Variants in KSR1 observed in about 807,000 individuals in gnomAD.
KSR1 encodes the protein kinase suppressor of ras.
Under a neutral mutation model 92.9 loss-of-function variants are expected in KSR1, and 35 were observed. The ratio of observed to expected loss-of-function variants is 0.38; its 90% CI spans 0.29 to 0.50. The LOEUF (loss-of-function observed/expected upper bound fraction) is 0.50, where lower values mean the gene tolerates loss of function less well. KSR1 is among the 20% of genes least tolerant of loss of function. The pLI is 0.94. For synonymous variants in KSR1, 467 were observed against 472.6 expected, an observed-to-expected ratio of 0.99 and a Z score of 0.15; for missense variants, 972 against 1,158.5, an observed-to-expected ratio of 0.84 and a Z score of 2.34.
chr17:27,507,563 C>CTT lies in KSR1; in HGVS notation c.232-42976_232-42975dup, dbSNP rs751092460. Among the ~76,000 whole-genome samples, 158 of 43,326 alleles carry CTT rather than the reference C, an allele frequency of 3.6e-3. 47 individuals carry two copies. Among genetic ancestry groups the CTT allele is most frequent in the African/African-American group, 4.0e-3 (45 of 11,298 alleles). The allele number at this position is 43,326 out of a possible 152,430, so 28.4% of individuals were successfully genotyped here. On this transcript the variant is annotated intron_variant, in intron 1 of 20. Coordinates refer to ENST00000644974, the MANE Select transcript of KSR1 (RefSeq NM_001394583.1). ...GATCATTAAAATCTTTATTGTTTGG[C>CTT]TTTTTTTTTTTTTTTTTTTTTTTTT...
intron 20 of KSR1, among the ~76,000 whole-genome samples, chr17:27,621,610 C>T (rs1354768288): frequency 6.6e-6 from 1 of 152,172 alleles, no homozygotes; most frequent in Non-Finnish European, 1.5e-5. Flanking sequence ...GAAGAGAATC[C>T]AGTTAAGCAG....
intron 19 of KSR1, among the ~76,000 whole-genome samples, chr17:27,619,463 T>A (rs556084017): frequency 3.3e-4 from 50 of 151,272 alleles, no homozygotes; most frequent in Admixed American, 9.9e-4. Flanking sequence ...AGTGGCACGA[T>A]CTCAGCTCAC....
intron 1 of KSR1, among the ~76,000 whole-genome samples, chr17:27,532,386 T>C (rs904468003): frequency 1.3e-5 from 2 of 152,204 alleles, no homozygotes; most frequent in African/African-American, 4.8e-5. Context: ...TGGGAATGTG[T>C]TGTCCTGCGC....
intron 2 of KSR1, among the ~76,000 whole-genome samples, chr17:27,561,092 G>A (rs2071808645): frequency 6.6e-6 from 1 of 152,146 alleles, no homozygotes; most frequent in Non-Finnish European, 1.5e-5. Flanking sequence ...GGCCAGCATT[G>A]TATAGATGTC....
intron 1 of KSR1, among the ~76,000 whole-genome samples, chr17:27,510,042 C>T (rs1166763319): frequency 6.6e-6 from 1 of 152,230 alleles, no homozygotes; most frequent in African/African-American, 2.4e-5. Context: ...CAGCACTTCA[C>T]CTTGTCCCTC....
At chr17:27,482,616 G>A (rs1440641958) in intron 1 of KSR1, among the ~76,000 whole-genome samples, 53 of 152,212 alleles carry the variant, frequency 3.5e-4, no homozygotes, top group Non-Finnish European at 2.9e-5. Flanking sequence ...CCTTGGGATA[G>A]TGTGTAAGTA....
At chr17:27,537,472 C>T (rs1244122983) in intron 1 of KSR1, among the ~76,000 whole-genome samples, 1 of 152,162 alleles carries the variant, frequency 6.6e-6, no homozygotes, top group African/African-American at 2.4e-5. Context: ...CGGCAGATCG[C>T]CTGAGGTCAG....
intron 2 of KSR1, among the ~76,000 whole-genome samples, chr17:27,554,001 C>T (rs959544702): frequency 6.6e-6 from 1 of 152,188 alleles, no homozygotes; most frequent in Non-Finnish European, 1.5e-5. Context: ...GACTCTGACT[C>T]GATACCCACT....
chr17:27,496,482 A>C (rs183009272), intron 1 of KSR1, among the ~76,000 whole-genome samples: 10 of 152,264 alleles, frequency 6.6e-5, no homozygotes, highest in Admixed American at 3.9e-4. Flanking sequence ...TATTTGAAAT[A>C]TGTCTCAGCC....
At chr17:27,507,830 G>A (rs557768939) in intron 1 of KSR1, among the ~76,000 whole-genome samples, 42 of 152,044 alleles carry the variant, frequency 2.8e-4, no homozygotes, top group African/African-American at 7.7e-4. Context: ...CTGCGTCAGC[G>A]TCCCAAAGTG....
chr17:27,607,209 G>A (rs1280678460), intron 14 of KSR1, among the ~76,000 whole-genome samples: 2 of 152,150 alleles, frequency 1.3e-5, no homozygotes, highest in African/African-American at 4.8e-5. Context: ...ACACAGATAA[G>A]GAAATCACCA....
intron 1 of KSR1, among the ~76,000 whole-genome samples, chr17:27,494,512 G>A (rs138015034): frequency 6.6e-6 from 1 of 152,170 alleles, no homozygotes; most frequent in Non-Finnish European, 1.5e-5. Flanking sequence ...TGCCTGGTCA[G>A]TGCCTTAAAT....
At chr17:27,462,581 C>G (rs977268396) in intron 1 of KSR1, among the ~76,000 whole-genome samples, 2 of 152,220 alleles carry the variant, frequency 1.3e-5, no homozygotes, top group African/African-American at 4.8e-5. Context: ...AAAGGAGAAG[C>G]TGCCTAGAGA....
chr17:27,500,819 T>C (rs1597891072), intron 1 of KSR1, among the ~76,000 whole-genome samples: 1 of 152,220 alleles, frequency 6.6e-6, no homozygotes. Flanking sequence ...GGGCAAAGGG[T>C]GCTGCTGGGT....
chr17:27,588,378 C>A, intron 5 of KSR1, 97 bp from the exon 6 acceptor site: 1 of 1,027,414 alleles, frequency 9.7e-7, no homozygotes, highest in Non-Finnish European at 1.4e-6. Flanking sequence ...ACCATTGCGC[C>A]CCCCTCTAGC....
rs1463188269 is a variant in KSR1 at position 27,611,632 on chromosome 17, A to G, written c.2493+3A>G. On this transcript the variant is annotated splice_donor_region_variant and intron_variant, in intron 18 of 20. Coordinates refer to ENST00000644974, the MANE Select transcript of KSR1 (RefSeq NM_001394583.1). ...TCAGCTTGGGGAAGGAAGTCAGTGT[A>G]AGTAGTACCTGCCCTGGGTGGAGCA... 2 of 1,613,642 alleles carry G rather than the reference A, an allele frequency of 1.2e-6. No individual in the cohort carries two copies. The highest frequency in any genetic ancestry group is 2.2e-5 in the East Asian group (1 of 44,886).
rs140852218 is a variant in KSR1 at position 27,515,543 on chromosome 17, C to T, written c.232-35025C>T. Among the ~76,000 whole-genome samples, 8 of 151,500 alleles carry T rather than the reference C, an allele frequency of 5.3e-5. No individual in the cohort carries two copies. The East Asian group carries it at 7.7e-4, about 15-fold the overall frequency. Reference sequence around the variant, plus strand: ...AGGCTCTACTGAGGTGTGGTTTGAACGGCCACTTTGCCTCTCATATAATGG... The same window carrying T: ...AGGCTCTACTGAGGTGTGGTTTGAATGGCCACTTTGCCTCTCATATAATGG... On this transcript the variant is annotated intron_variant, in intron 1 of 20. Transcript: ENST00000644974.
chr17:27,570,306 C>G (rs2072255088), intron 2 of KSR1, among the ~76,000 whole-genome samples: 1 of 152,178 alleles, frequency 6.6e-6, no homozygotes, highest in African/African-American at 2.4e-5. Flanking sequence ...TGGCCTTGTT[C>G]TGTGTGGCCT....
intron 1 of KSR1, among the ~76,000 whole-genome samples, chr17:27,538,773 C>T (rs899547875): frequency 2.6e-5 from 4 of 152,146 alleles, no homozygotes; most frequent in African/African-American, 4.8e-5. Context: ...GCGGTTCGGG[C>T]GCCCCTCATC....
Sources: gnomAD v4.1 joint callset for allele counts (sites outside exome capture counted in the v4.1 genomes callset) on GRCh38, gnomAD v4.1.1 for gene constraint, MANE v1.5 for transcripts, NCBI Gene and HGNC (gene_info 2026-07-23, HGNC 2026-07-21) for gene names.